The following PIEZO1 variants were observed in gnomAD, a reference collection of about 807,000 sequenced individuals.
PIEZO1 encodes piezo type mechanosensitive ion channel component 1 (Er blood group).
A neutral mutation model predicts 297.2 loss-of-function variants in PIEZO1; 296 were observed. The ratio of observed to expected loss-of-function variants is 1.00; its 90% CI spans 0.91 to 1.10. The LOEUF (loss-of-function observed/expected upper bound fraction) is 1.10. Ranked by LOEUF, PIEZO1 falls within the 50% of genes least tolerant of loss-of-function variation. The pLI, the probability that PIEZO1 is intolerant of heterozygous loss-of-function variation, is 0.00. For synonymous variants in PIEZO1, 2,427 were observed against 1,507.5 expected (o/e 1.61, Z -14.13); for missense variants, 5,018 against 3,455.5 (o/e 1.45, Z -11.34).
At chr16:88,723,481 C>G (rs978745323) in intron 31 of PIEZO1, among the ~76,000 whole-genome samples, 153 bp from the exon 32 acceptor site, 1 of 152,242 alleles carries the variant, frequency 6.6e-6, no homozygotes, top group Admixed American at 6.5e-5. Flanking sequence ...GATGGGGACC[C>G]TGAGGGGCTG....
intron 1 of PIEZO1, among the ~76,000 whole-genome samples, chr16:88,751,092 G>A (rs1380950511): frequency 3.9e-5 from 6 of 152,098 alleles, no homozygotes; most frequent in South Asian, 2.1e-4. Context: ...AAGGAGCCCC[G>A]GGAAGTCTTC....
chr16:88,741,092 T>A (rs572936296), intron 5 of PIEZO1: 10 of 162,616 alleles, frequency 6.1e-5, no homozygotes, highest in Non-Finnish European at 1.1e-4. Context: ...CCTGTTTGCC[T>A]GTAAGTGCAT....
chr16:88,773,284 A>G (rs1417928051), intron 1 of PIEZO1, among the ~76,000 whole-genome samples: 2 of 152,334 alleles, frequency 1.3e-5, no homozygotes, highest in East Asian at 3.9e-4. Flanking sequence ...GCCCTCCAAG[A>G]GTGGGCAGCC....
intron 34 of PIEZO1, 51 bp downstream of exon 34, chr16:88,722,786 G>C (rs1332281518): frequency 1.3e-6 from 2 of 1,532,712 alleles, no homozygotes; most frequent in Non-Finnish European, 1.8e-6. Flanking sequence ...TAAGCAGGCA[G>C]GGGCGTAGTC....
intron 43 of PIEZO1, 31 bp downstream of exon 43, chr16:88,719,771 G>C (rs1053852169): frequency 6.5e-7 from 1 of 1,550,208 alleles, no homozygotes; most frequent in East Asian, 2.4e-5. Context: ...TGCCCGGGCC[G>C]TGACCCCCAC....
chr16:88,769,145 G>C (rs1907308728), intron 1 of PIEZO1, among the ~76,000 whole-genome samples: 1 of 152,208 alleles, frequency 6.6e-6, no homozygotes, highest in Non-Finnish European at 1.5e-5. Flanking sequence ...AGGTATCTTG[G>C]GGATGGGACT....
chr16:88,765,668 A>ATT (rs397966717), intron 1 of PIEZO1, among the ~76,000 whole-genome samples: 37 of 131,734 alleles, frequency 2.8e-4, no homozygotes, highest in East Asian at 8.7e-4. Context: ...GTTATCTCTA[A>ATT]TTTTTTTTTT....
intron 5 of PIEZO1, 142 bp from the exon 6 acceptor site, chr16:88,738,878 C>A (rs1447461009): frequency 4.2e-6 from 3 of 715,336 alleles, no homozygotes; most frequent in Admixed American, 2.7e-5. Context: ...CCTCCCCGGG[C>A]ACAGGCCCCA....
Position 88,726,782 on chromosome 16 carries a change from CG to C in PIEZO1, c.3631del (p.Arg1211AlafsTer59). On this transcript the variant is annotated frameshift_variant, in exon 25 of 51. Transcript: ENST00000301015. LOFTEE classifies it high-confidence loss of function. ...AATGAGGCAGTCCCACAGCACGAGGCGGGCCCGTGTGTCCCTCTGCAGCAGG... is the reference window on the plus strand; with the variant it reads ...AATGAGGCAGTCCCACAGCACGAGGCGGCCCGTGTGTCCCTCTGCAGCAGG... ...TALLQRDTRA[R>X]LVLWDCLILY... The C allele has an allele frequency of 6.5e-7, 1 of 1,550,230 alleles. No individual in the cohort carries two copies. Among genetic ancestry groups the C allele is most frequent in the Non-Finnish European group, 8.7e-7 (1 of 1,146,872 alleles).
At chr16:88,766,114 C>A (rs373948770) in intron 1 of PIEZO1, among the ~76,000 whole-genome samples, 1 of 152,182 alleles carries the variant, frequency 6.6e-6, no homozygotes, top group Non-Finnish European at 1.5e-5. Context: ...AGGGTTGATT[C>A]ATGTGTCAGC....
intron 23 of PIEZO1, 95 bp from the exon 24 acceptor site, chr16:88,727,287 G>T (rs538682027): frequency 7.4e-7 from 1 of 1,356,640 alleles, no homozygotes; most frequent in Non-Finnish European, 9.8e-7. Context: ...GCCTGTCGGC[G>T]TGCAGCCGCT....
Position 88,723,143 on chromosome 16 carries a change from G to T in PIEZO1, c.4447C>A (p.Pro1483Thr). The T allele has an allele frequency of 6.5e-7, 1 of 1,549,140 alleles. No individual in the cohort carries two copies. ...QAGQLPTGGG[P>T]SQEVEPAEGP... Reference sequence around the variant, plus strand: ...TCTGCTGGCTCCACCTCCTGGCTGGGACCACCTCCTGGGCACAGGATGCTG... The same window carrying T: ...TCTGCTGGCTCCACCTCCTGGCTGGTACCACCTCCTGGGCACAGGATGCTG... The change falls in exon 33 of 51, where the codon CCC becomes ACC. Residue 1483 changes from proline to threonine, a missense_variant. By Grantham distance (38) the Pro-to-Thr change is conservative (BLOSUM62 -1). Coordinates refer to ENST00000301015, the MANE Select transcript of PIEZO1 (RefSeq NM_001142864.4).
At position 88,748,525 on chromosome 16, in the gene PIEZO1, G is replaced by T. The variant is rs976132901; in HGVS notation, c.160+859C>A. 4.6e-5 allele frequency among the ~76,000 whole-genome samples: 7 copies of T among 151,012 alleles called. No individual in the cohort carries two copies. In the South Asian group the frequency reaches 8.4e-4, roughly 18 times the overall value. ...CCGCACAAGTGGATCAAAGTCAACT[G>T]AGGTCCAACCCCACAGCGGGCAGCG... On this transcript the variant is annotated intron_variant, in intron 2 of 50. Coordinates refer to ENST00000301015, the MANE Select transcript of PIEZO1 (RefSeq NM_001142864.4).
intron 1 of PIEZO1, among the ~76,000 whole-genome samples, chr16:88,779,090 G>C (rs1468266169): frequency 6.8e-6 from 1 of 146,962 alleles, no homozygotes; most frequent in Non-Finnish European, 1.5e-5. Context: ...CCCCCAAGCT[G>C]GAGTGCAGTG....
At position 88,725,645 on chromosome 16, in the gene PIEZO1, A is replaced by G; in HGVS notation, c.4008T>C (p.Ile1336=). 6.5e-7 allele frequency: 1 copy of G among 1,549,546 alleles called. No individual in the cohort carries two copies. Among genetic ancestry groups the G allele is most frequent in the Non-Finnish European group, 8.7e-7 (1 of 1,146,026 alleles). ...TCTCCTCTATCCTGCGGTGAAAGTC[A>G]ATGCTCTTGAGGTTGGCAGCGTTGT... The part of the protein sequence containing the change: ...ALYNAANLKS[I]DFHRRIEEKS... The change falls in exon 28 of 51, where the codon ATT becomes ATC. Residue 1336 remains isoleucine (I), a synonymous_variant. Transcript: ENST00000301015.
rs534085974 is a variant in PIEZO1 at position 88,737,596 on chromosome 16, G to C, written c.1158C>G (p.His386Gln). The C allele has an allele frequency of 2.6e-6, 4 of 1,534,688 alleles. No homozygotes were observed. Among genetic ancestry groups the C allele is most frequent in the South Asian group, 2.4e-5 (2 of 84,018 alleles). ...GGACGGAGCTCTGGCCGGTCAGCTC[G>C]TGCACGATGCAGTTATCAGCCTCGG... ...PDTEADNCIV[H>Q]ELTGQSSVLR... The change falls in exon 10 of 51, where the codon CAC becomes CAG. Residue 386 changes from histidine (H) to glutamine (Q), a missense_variant. Coordinates refer to ENST00000301015, the MANE Select transcript of PIEZO1 (RefSeq NM_001142864.4).
intron 1 of PIEZO1, among the ~76,000 whole-genome samples, chr16:88,750,006 G>A (rs1203953378): frequency 6.6e-6 from 1 of 151,766 alleles, no homozygotes; most frequent in South Asian, 2.1e-4. Flanking sequence ...CTGGGCAACA[G>A]AGCAAGACTC....
intron 1 of PIEZO1, among the ~76,000 whole-genome samples, chr16:88,781,038 G>C (rs1393784415): frequency 3.3e-5 from 5 of 152,228 alleles, no homozygotes; most frequent in Non-Finnish European, 7.3e-5. Flanking sequence ...ATTGAAAAGG[G>C]GATTTCTGAG....
intron 1 of PIEZO1, among the ~76,000 whole-genome samples, chr16:88,758,332 C>A (rs1206087876): frequency 6.6e-6 from 1 of 152,144 alleles, no homozygotes; most frequent in Admixed American, 6.5e-5. Flanking sequence ...CCTGACAGAC[C>A]AACATCGTGC....
Sources: allele counts gnomAD v4.1 joint callset (sites outside exome capture counted in the v4.1 genomes callset), GRCh38; gene constraint gnomAD v4.1.1; transcripts MANE v1.5; gene names NCBI Gene and HGNC (gene_info 2026-07-23, HGNC 2026-07-21).